Variants in DNAH11 observed in about 807,000 individuals in gnomAD.
DNAH11 encodes the protein dynein axonemal heavy chain 11, also known as axonemal beta dynein heavy chain 11.
A neutral mutation model predicts 526.0 loss-of-function variants in DNAH11; 442 were observed. The ratio of observed to expected loss-of-function variants is 0.84; its 90% CI spans 0.78 to 0.91. The LOEUF is 0.91. Ranked by LOEUF, DNAH11 falls within the 40% of genes least tolerant of loss-of-function variation. DNAH11 has a pLI of 0.00. For missense variants in DNAH11, 6,989 were observed against 5,448.7 expected (o/e 1.28, Z -8.90); for synonymous variants, 2,461 against 1,935.9 (o/e 1.27, Z -7.12).
intron 66 of DNAH11, among the ~76,000 whole-genome samples, chr7:21,845,651 G>A (rs1377659947): frequency 2.0e-5 from 3 of 152,134 alleles, no homozygotes; most frequent in African/African-American, 7.2e-5. Flanking sequence ...TGGAAGCCAA[G>A]TAGTGTCAAT....
intron 6 of DNAH11, among the ~76,000 whole-genome samples, chr7:21,569,574 C>T (rs529726108): frequency 6.6e-6 from 1 of 152,230 alleles, no homozygotes; most frequent in South Asian, 2.1e-4. Flanking sequence ...TACTTGAGCC[C>T]CCAGAAGAGA....
At chr7:21,763,594 G>T (rs1021159576) in intron 54 of DNAH11, among the ~76,000 whole-genome samples, 1 of 151,316 alleles carries the variant, frequency 6.6e-6, no homozygotes, top group African/African-American at 2.4e-5. Context: ...AAACAGTATG[G>T]TCGTTCCTCA....
At position 21,818,294 on chromosome 7, in the gene DNAH11, C is replaced by G. The variant is rs1455699034; in HGVS notation, c.10646C>G (p.Pro3549Arg). Residue 3549 changes from proline to arginine, a missense_variant, in exon 65 of 82, where the codon CCA becomes CGA. Physicochemically the swap from Pro to Arg is moderately radical, Grantham distance 103 (BLOSUM62 -2). Transcript: ENST00000409508. ...LIENLEETID[P>R]VLDPLLGRNT... ...GAAAATCTCGAGGAAACGATAGATCCAGTCCTGGATCCACTACTTGGCAGG... is the reference window on the plus strand; with the variant it reads ...GAAAATCTCGAGGAAACGATAGATCGAGTCCTGGATCCACTACTTGGCAGG... 1.9e-6 allele frequency: 3 copies of G among 1,611,558 alleles called. No individual in the cohort carries two copies. The highest frequency in any genetic ancestry group is 2.5e-6 in the Non-Finnish European group (3 of 1,178,912).
chr7:21,735,144 T>C (rs1785546839), intron 45 of DNAH11, among the ~76,000 whole-genome samples: 1 of 152,184 alleles, frequency 6.6e-6, no homozygotes, highest in Admixed American at 6.5e-5. Flanking sequence ...CACTCCAGCC[T>C]GGGTAATAGA....
rs1436992109 is a variant in DNAH11, at chr7:21,738,872, C to T, written c.7811+6C>T. The T allele has an allele frequency of 4.4e-6, 7 of 1,584,342 alleles. No homozygotes were observed. Among genetic ancestry groups the T allele is most frequent in the South Asian group, 1.2e-5 (1 of 83,086 alleles). ...CATATTGATTATGGACATTGGTAAG[C>T]AAGTCTCTGTAGTTTACTCTCTCCC... On this transcript the variant is annotated splice_donor_region_variant and intron_variant, in intron 47 of 81. Transcript: ENST00000409508.
intron 51 of DNAH11, among the ~76,000 whole-genome samples, chr7:21,747,878 A>G (rs1033866375): frequency 6.6e-6 from 1 of 152,232 alleles, no homozygotes; most frequent in African/African-American, 2.4e-5. Context: ...GCACAAGGCT[A>G]TTCCCCCTTT....
In DNAH11 at chr7:21,588,205, A is replaced by G; in HGVS notation, c.1848+4A>G. ...GTATAATGAACACATGAAACAGGTA[A>G]GTGGTGGATAAGGTTGGACACATTT... On this transcript the variant is annotated splice_donor_region_variant and intron_variant, in intron 10 of 81. Coordinates refer to ENST00000409508, the MANE Select transcript of DNAH11 (RefSeq NM_001277115.2). The G allele has an allele frequency of 6.2e-7, 1 of 1,609,700 alleles. No individual in the cohort carries two copies. Among genetic ancestry groups the G allele is most frequent in the Non-Finnish European group, 8.5e-7 (1 of 1,178,582 alleles).
At chr7:21,778,335 C>T (rs1244901892) in intron 56 of DNAH11, among the ~76,000 whole-genome samples, 1 of 152,086 alleles carries the variant, frequency 6.6e-6, no homozygotes, top group Non-Finnish European at 1.5e-5. Flanking sequence ...CATACTAATA[C>T]CCCAAACACA....
At chr7:21,814,669 T>G (rs1021484533) in intron 63 of DNAH11, among the ~76,000 whole-genome samples, 8 of 152,116 alleles carry the variant, frequency 5.3e-5, no homozygotes, top group Non-Finnish European at 1.0e-4. Flanking sequence ...ACTACAGCAT[T>G]ATGATGGCTA....
chr7:21,571,185 C>A (rs1783873406), intron 7 of DNAH11, among the ~76,000 whole-genome samples: 1 of 152,088 alleles, frequency 6.6e-6, no homozygotes, highest in Non-Finnish European at 1.5e-5. Flanking sequence ...TTGGATATTA[C>A]CTGGGGATCT....
chr7:21,873,546 T>C, intron 74 of DNAH11, 45 bp downstream of exon 74: 1 of 1,585,680 alleles, frequency 6.3e-7, no homozygotes, highest in Non-Finnish European at 8.6e-7. Flanking sequence ...GTCAGAGTCA[T>C]CTCACAAGAC....
At chr7:21,848,050 C>T (rs1782485151) in intron 66 of DNAH11, among the ~76,000 whole-genome samples, 1 of 151,506 alleles carries the variant, frequency 6.6e-6, no homozygotes, top group Non-Finnish European at 1.5e-5. Flanking sequence ...GCCTGTAGTC[C>T]CAGCTACTCG....
chr7:21,891,942 A>C (rs1784339520), intron 76 of DNAH11, among the ~76,000 whole-genome samples: 1 of 152,224 alleles, frequency 6.6e-6, no homozygotes. Flanking sequence ...AAATGATGTG[A>C]TGCAGTACTG....
chr7:21,710,942 G>T (rs1784443110), intron 41 of DNAH11, among the ~76,000 whole-genome samples: 1 of 152,146 alleles, frequency 6.6e-6, no homozygotes, highest in Non-Finnish European at 1.5e-5. Context: ...GTTAGATACA[G>T]ATCTAAGAAT....
intron 8 of DNAH11, among the ~76,000 whole-genome samples, chr7:21,578,897 C>T (rs1280069087): frequency 6.6e-6 from 1 of 152,168 alleles, no homozygotes; most frequent in African/African-American, 2.4e-5. Context: ...CTACTCTTGC[C>T]TGTCTCTCCA....
At chr7:21,600,975 C>T (rs376806751) in intron 16 of DNAH11, 35 bp from the exon 17 acceptor site, 26 of 1,610,232 alleles carry the variant, frequency 1.6e-5, no homozygotes, top group Non-Finnish European at 2.2e-5. Flanking sequence ...TGGCTTTTCA[C>T]TGAGTTGTTC....
intron 30 of DNAH11, among the ~76,000 whole-genome samples, chr7:21,668,284 A>G (rs1782499441): frequency 6.6e-6 from 1 of 152,114 alleles, no homozygotes. Context: ...AAATAGAGAT[A>G]GTATCTCTCT....
intron 47 of DNAH11, among the ~76,000 whole-genome samples, chr7:21,739,197 C>T (rs1208512114): frequency 6.6e-6 from 1 of 152,110 alleles, no homozygotes; most frequent in Non-Finnish European, 1.5e-5. Flanking sequence ...TCTTGTTTGG[C>T]AGGGTGTAAA....
intron 6 of DNAH11, among the ~76,000 whole-genome samples, chr7:21,566,203 G>T (rs77320288): frequency 0.018 from 2,801 of 152,258 alleles, 81 homozygotes; most frequent in African/African-American, 0.063. Context: ...CCGTAAGCCT[G>T]TAAACTTCTC....
Sources: allele counts gnomAD v4.1 joint callset (sites outside exome capture counted in the v4.1 genomes callset), GRCh38; gene constraint gnomAD v4.1.1; transcripts MANE v1.5; gene names NCBI Gene and HGNC (gene_info 2026-07-23, HGNC 2026-07-21).